The following DOCK2 variants were observed in gnomAD, a reference collection of about 807,000 sequenced individuals.
The protein encoded by DOCK2 is dedicator of cytokinesis 2.
Under a neutral mutation model 248.9 loss-of-function variants are expected in DOCK2, and 87 were observed. The observed-to-expected ratio is 0.35, with a 90% CI of 0.29 to 0.42. The LOEUF is 0.42. DOCK2 is among the 10% of genes least tolerant of loss of function. The pLI, the probability that DOCK2 is intolerant of heterozygous loss-of-function variation, is 1.00. For synonymous variants in DOCK2, 805 were observed against 821.6 expected (o/e 0.98, Z 0.35); for missense variants, 1,747 against 2,300.2 (o/e 0.76, Z 4.92).
At chr5:169,680,317 C>G (rs1042724461) in intron 6 of DOCK2, among the ~76,000 whole-genome samples, 3 of 152,166 alleles carry the variant, frequency 2.0e-5, no homozygotes, top group Non-Finnish European at 2.9e-5. Flanking sequence ...TGTATGTGAG[C>G]TGATTGTAAG....
At chr5:169,744,570 G>A (rs1763499851) in intron 22 of DOCK2, among the ~76,000 whole-genome samples, 1 of 151,154 alleles carries the variant, frequency 6.6e-6, no homozygotes, top group Non-Finnish European at 1.5e-5. Context: ...GCAAAAAGGA[G>A]AGTTTATTTT....
chr5:169,871,268 A>G (rs1771952236), intron 27 of DOCK2, among the ~76,000 whole-genome samples: 1 of 152,312 alleles, frequency 6.6e-6, no homozygotes, highest in Non-Finnish European at 1.5e-5. Flanking sequence ...AGAAGGACCA[A>G]ATGTTTTAGC....
chr5:169,665,332 C>G (rs964584446), intron 2 of DOCK2, among the ~76,000 whole-genome samples: 4 of 143,530 alleles, frequency 2.8e-5, no homozygotes, highest in African/African-American at 5.1e-5. Context: ...ATCAGCATAT[C>G]TATATATGTT....
At chr5:170,018,791 A>G (rs1025252299) in intron 32 of DOCK2, among the ~76,000 whole-genome samples, 169 bp from the exon 33 acceptor site, 18 of 152,190 alleles carry the variant, frequency 1.2e-4, no homozygotes, top group Admixed American at 8.5e-4. Flanking sequence ...GGGAGTTAAT[A>G]TATGTTAAGT....
At chr5:169,659,390 G>T (rs935119158) in intron 2 of DOCK2, among the ~76,000 whole-genome samples, 1 of 152,072 alleles carries the variant, frequency 6.6e-6, no homozygotes, top group African/African-American at 2.4e-5. Context: ...CTCATAGAAG[G>T]TTCTCTGTGT....
At chr5:169,953,986 A>C (rs1235229714) in intron 27 of DOCK2, among the ~76,000 whole-genome samples, 3 of 152,262 alleles carry the variant, frequency 2.0e-5, no homozygotes. Flanking sequence ...GCTGGCACAG[A>C]GTAAGTGATT....
chr5:169,767,243 T>C (rs753870466), intron 25 of DOCK2, among the ~76,000 whole-genome samples: 6 of 152,190 alleles, frequency 3.9e-5, no homozygotes, highest in African/African-American at 7.2e-5. Flanking sequence ...GGGGTTGTTG[T>C]TTTTGCTTGT....
chr5:169,959,643 T>A (rs187802425), intron 27 of DOCK2, among the ~76,000 whole-genome samples: 13 of 152,282 alleles, frequency 8.5e-5, no homozygotes, highest in Admixed American at 7.9e-4. Flanking sequence ...TAAAGGTAAG[T>A]GTTGGACTAA....
intron 27 of DOCK2, among the ~76,000 whole-genome samples, chr5:169,927,005 A>G (rs980677178): frequency 6.6e-6 from 1 of 152,234 alleles, no homozygotes; most frequent in Non-Finnish European, 1.5e-5. Context: ...TCTCTCTGAC[A>G]TTTGTGTTAA....
At chr5:170,005,879 A>C (rs544895711) in intron 30 of DOCK2, among the ~76,000 whole-genome samples, 1 of 152,222 alleles carries the variant, frequency 6.6e-6, no homozygotes, top group Admixed American at 6.5e-5. Flanking sequence ...GGCATTTCTG[A>C]AATTATTCTC....
chr5:169,819,665 C>T (rs1187082497), intron 26 of DOCK2, among the ~76,000 whole-genome samples: 3 of 152,160 alleles, frequency 2.0e-5, no homozygotes, highest in Non-Finnish European at 1.5e-5. Context: ...CGAATAGGAA[C>T]AGCTCCAGTC....
intron 33 of DOCK2, among the ~76,000 whole-genome samples, chr5:170,025,079 G>A (rs1755857123): frequency 6.6e-6 from 1 of 152,252 alleles, no homozygotes; most frequent in Admixed American, 6.5e-5. Context: ...ACATTCGGCA[G>A]TAATAACAAT....
intron 2 of DOCK2, among the ~76,000 whole-genome samples, chr5:169,661,826 A>G (rs1417404696): frequency 6.6e-6 from 1 of 152,220 alleles, no homozygotes; most frequent in Non-Finnish European, 1.5e-5. Context: ...ATTCCATTGT[A>G]TATGTATATT....
At chr5:169,827,399 A>C (rs1306027788) in intron 26 of DOCK2, among the ~76,000 whole-genome samples, 1 of 152,210 alleles carries the variant, frequency 6.6e-6, no homozygotes, top group African/African-American at 2.4e-5. Flanking sequence ...CTTATCTGAA[A>C]GAAAACCTTA....
At chr5:169,710,296 A>T (rs1220711018) in intron 15 of DOCK2, among the ~76,000 whole-genome samples, 1 of 152,010 alleles carries the variant, frequency 6.6e-6, no homozygotes, top group Non-Finnish European at 1.5e-5. Flanking sequence ...TCCCTTGATC[A>T]CCCTTCCTTG....
chr5:169,883,995 A>G lies in DOCK2; in HGVS notation c.2799+43143A>G, dbSNP rs184428590. 4.1e-6 allele frequency: 5 copies of G among 1,213,972 alleles called. No homozygotes were observed. The East Asian group carries it at 1.0e-4, about 25-fold the overall frequency. 75.2% of individuals were successfully genotyped at this position (1,213,972 alleles called of 1,614,324 possible). A position where few individuals can be genotyped will look rare whatever the true frequency, so the allele number is the denominator to read the frequency against. On this transcript the variant is annotated intron_variant, in intron 27 of 51. Coordinates refer to ENST00000520908, the MANE Select transcript of DOCK2 (RefSeq NM_004946.3). Reference sequence around the variant, plus strand: ...TATCTAATGATAGTATTTCAATCATAGAGAACTGCTGGCCAGGATGGAGTG... The same window carrying G: ...TATCTAATGATAGTATTTCAATCATGGAGAACTGCTGGCCAGGATGGAGTG...
chr5:169,944,542 C>T (rs891841504), intron 27 of DOCK2, among the ~76,000 whole-genome samples: 1 of 152,198 alleles, frequency 6.6e-6, no homozygotes, highest in African/African-American at 2.4e-5. Context: ...GAAACTCCCC[C>T]GTCCTCAGTG....
chr5:169,867,418 TG>T (rs1771639737), intron 27 of DOCK2, among the ~76,000 whole-genome samples: 1 of 146,502 alleles, frequency 6.8e-6, no homozygotes, highest in African/African-American at 2.5e-5. Context: ...TCTGTCTGTC[TG>T]TCTGTCTGTC....
intron 28 of DOCK2, among the ~76,000 whole-genome samples, chr5:169,985,348 C>CGTGT (rs5873200): frequency 0.037 from 5,078 of 136,786 alleles, 122 homozygotes; most frequent in Middle Eastern, 0.064. Context: ...CTAATCTGCT[C>CGTGT]GTGTGTGTGT....
Sources: allele counts gnomAD v4.1 joint callset (sites outside exome capture counted in the v4.1 genomes callset), GRCh38; gene constraint gnomAD v4.1.1; transcripts MANE v1.5; gene names NCBI Gene and HGNC (gene_info 2026-07-23, HGNC 2026-07-21).